The following ITPRIP variants were observed in gnomAD, a reference collection of about 807,000 sequenced individuals.
ITPRIP encodes inositol 1,4,5-trisphosphate receptor-interacting protein.
In ITPRIP, 32 loss-of-function variants were observed where a neutral mutation model predicts 35.8. That is an observed-to-expected ratio of 0.89 (90% CI 0.68 to 1.20). The LOEUF is 1.20. Among genes scored for constraint, ITPRIP ranks in the 50% most tolerant of loss-of-function variants. ITPRIP has a pLI of 0.00. For synonymous variants in ITPRIP, 358 were observed against 324.0 expected, an observed-to-expected ratio of 1.11 and a Z score of -1.13; for missense variants, 653 against 735.6, an observed-to-expected ratio of 0.89 and a Z score of 1.30.
intron 1 of ITPRIP, among the ~76,000 whole-genome samples, chr10:104,318,088 A>T (rs2013737043): frequency 6.6e-6 from 1 of 152,194 alleles, no homozygotes; most frequent in African/African-American, 2.4e-5. Flanking sequence ...AAGTGGAAGA[A>T]GTCACACTGC....
chr10:104,337,477 G>T lies in ITPRIP; in HGVS notation c.-14+769C>A, dbSNP rs564593724. On this transcript the variant is annotated intron_variant, in intron 1 of 1. Coordinates refer to ENST00000337478, the MANE Select transcript of ITPRIP (RefSeq NM_001272013.2). The stretch of plus-strand genomic sequence containing the variant: ...GTTCCGTAAAATATTTTACCTTCCT[G>T]GTCGGTGGCTTTTTTTTTCTTTTTC... 5.3e-5 allele frequency among the ~76,000 whole-genome samples: 8 copies of T among 152,212 alleles called. No homozygotes were observed. The East Asian group carries it at 1.5e-3, about 29-fold the overall frequency.
At position 104,328,228 on chromosome 10, in the gene ITPRIP, G is replaced by A; in HGVS notation, c.-14+10018C>T. On this transcript the variant is annotated intron_variant, in intron 1 of 1. Coordinates refer to ENST00000337478, the MANE Select transcript of ITPRIP (RefSeq NM_001272013.2). This position sits in a 1 kb window ranked among gnomAD's most constrained non-coding sequence, Gnocchi z 4.1. ...GCGTGAATCACAGTGACAGCAATGC[G>A]CCCTCACCACTTCCCGTTGTCCTAC... is the stretch of plus-strand genomic sequence containing the variant. The A allele has an allele frequency of 1.0e-6, 1 of 985,272 alleles. No homozygotes were observed. Among genetic ancestry groups the A allele is most frequent in the Non-Finnish European group, 1.2e-6 (1 of 829,868 alleles). 61.0% of individuals were successfully genotyped at this position (985,272 alleles called of 1,614,324 possible). A position where few individuals can be genotyped will look rare whatever the true frequency, so the allele number is the denominator to read the frequency against.
chr10:104,337,348 T>C (rs187451623), intron 1 of ITPRIP, among the ~76,000 whole-genome samples: 1 of 152,180 alleles, frequency 6.6e-6, no homozygotes, highest in Non-Finnish European at 1.5e-5. Context: ...TCTGGTACTC[T>C]ACTGTTTGTG....
At chr10:104,318,517 G>A (rs190395487) in intron 1 of ITPRIP, among the ~76,000 whole-genome samples, 338 of 152,318 alleles carry the variant, frequency 2.2e-3, no homozygotes, top group Middle Eastern at 0.017. Flanking sequence ...GTGGGGCCAC[G>A]GCCAAGCCCT....
In ITPRIP at chr10:104,311,080, G is replaced by A. The variant is rs1031685855; in HGVS notation, c.*3328C>T. 2.0e-5 allele frequency: 3 copies of A among 152,172 alleles called. No individual in the cohort carries two copies. Among genetic ancestry groups the A allele is most frequent in the African/African-American group, 7.2e-5 (3 of 41,416 alleles). The allele number at this position is 152,172 out of a possible 1,614,324, so 9.4% of individuals were successfully genotyped here. A position where few individuals can be genotyped will look rare whatever the true frequency, so the allele number is the denominator to read the frequency against. On this transcript the variant is annotated 3_prime_UTR_variant, in exon 2 of 2. Coordinates refer to ENST00000337478, the MANE Select transcript of ITPRIP (RefSeq NM_001272013.2). ...TTCCACAATGTCTCATGCACGTTAG[G>A]CTCCTGACAAATGCTTGTGGACTAT...
intron 1 of ITPRIP, among the ~76,000 whole-genome samples, chr10:104,324,874 A>G (rs1194904295): frequency 2.0e-5 from 3 of 152,166 alleles, no homozygotes; most frequent in Non-Finnish European, 4.4e-5. Flanking sequence ...CTTTGTCAAA[A>G]TCCCCCCATT....
At position 104,313,495 on chromosome 10, in the gene ITPRIP, A is replaced by G. The variant is rs185272184; in HGVS notation, c.*913T>C. On this transcript the variant is annotated 3_prime_UTR_variant, in exon 2 of 2. Transcript: ENST00000337478. ...TTCTTTTCCAGCTGTCCTTTGCCACAGTCACCCCGTGTGTCTCTTTCTCCA... is the reference window on the plus strand; with the variant it reads ...TTCTTTTCCAGCTGTCCTTTGCCACGGTCACCCCGTGTGTCTCTTTCTCCA... 3.1e-3 allele frequency: 3,054 copies of G among 985,682 alleles called. 5 individuals carry two copies. The highest frequency in any genetic ancestry group is 4.2e-3 in the Admixed American group (69 of 16,280). The allele number at this position is 985,682 out of a possible 1,614,324, so 61.1% of individuals were successfully genotyped here.
At chr10:104,335,953 G>A (rs909678613) in intron 1 of ITPRIP, among the ~76,000 whole-genome samples, 2 of 151,550 alleles carry the variant, frequency 1.3e-5, no homozygotes, top group Non-Finnish European at 2.9e-5. Flanking sequence ...AAAGCCTGGC[G>A]AATGTTAAGC....
chr10:104,312,454 TA>T lies in ITPRIP; in HGVS notation c.*1953del, dbSNP rs2013512438. On this transcript the variant is annotated 3_prime_UTR_variant, in exon 2 of 2. Transcript: ENST00000337478. ...GGGAAAGGCATGGGCCATAAATAAA[TA>T]AGGAAATTTGCCCCGATTCTACAAA... The T allele has an allele frequency of 4.8e-6, 1 of 208,826 alleles. No homozygotes were observed. The highest frequency in any genetic ancestry group is 8.4e-6 in the Non-Finnish European group (1 of 119,568). The allele number at this position is 208,826 out of a possible 1,614,324, so 12.9% of individuals were successfully genotyped here. A position where few individuals can be genotyped will look rare whatever the true frequency, so the allele number is the denominator to read the frequency against.
chr10:104,330,818 G>A (rs1394856589), intron 1 of ITPRIP, among the ~76,000 whole-genome samples: 1 of 152,192 alleles, frequency 6.6e-6, no homozygotes, highest in African/African-American at 2.4e-5. Flanking sequence ...ACAGAGGTGA[G>A]GCCACTCACC....
chr10:104,336,072 T>G (rs939004696), intron 1 of ITPRIP, among the ~76,000 whole-genome samples: 1 of 152,212 alleles, frequency 6.6e-6, no homozygotes, highest in African/African-American at 2.4e-5. Context: ...CACATGCCAC[T>G]TATCCAGCTA....
chr10:104,314,244 TTC>T lies in ITPRIP; in HGVS notation c.*162_*163del, dbSNP rs2013564010. 5 of 1,437,440 alleles carry T rather than the reference TTC, an allele frequency of 3.5e-6. No homozygotes were observed. The highest frequency in any genetic ancestry group is 4.6e-6 in the Non-Finnish European group (5 of 1,097,882). 89.0% of individuals were successfully genotyped at this position (1,437,440 alleles called of 1,614,324 possible). On this transcript the variant is annotated 3_prime_UTR_variant, in exon 2 of 2. Transcript: ENST00000337478. ...GAAGCAAACCAGCTTCCCGTTGAAA[TTC>T]TGTTTCCTCTGCACTGTAGGGCTTG...
chr10:104,312,767 G>C lies in ITPRIP; in HGVS notation c.*1641C>G. ...GAGGCTGGTTGAGAGCACTCCTGGGGATGGGGGAAGGATCTCCTTCCTTCA... is the reference window on the plus strand; with the variant it reads ...GAGGCTGGTTGAGAGCACTCCTGGGCATGGGGGAAGGATCTCCTTCCTTCA... On this transcript the variant is annotated 3_prime_UTR_variant, in exon 2 of 2. Transcript: ENST00000337478. 1 of 985,284 alleles carries C rather than the reference G, an allele frequency of 1.0e-6. No homozygotes were observed. 61.0% of individuals were successfully genotyped at this position (985,284 alleles called of 1,614,324 possible). A position where few individuals can be genotyped will look rare whatever the true frequency, so the allele number is the denominator to read the frequency against.
rs1162243743 is a variant in ITPRIP, at chr10:104,315,536, C to T, written c.516G>A (p.Leu172=). The part of the protein sequence containing the change: ...EFLEGFVDDL[L]EALRSLCNRD... ...GGTTGCAGAGGCTCCTCAGGGCTTCCAGCAAGTCATCCACGAAGCCTTCCA... is the reference window on the plus strand; with the variant it reads ...GGTTGCAGAGGCTCCTCAGGGCTTCTAGCAAGTCATCCACGAAGCCTTCCA... Residue 172 remains leucine (L), a synonymous_variant, in exon 2 of 2, where the codon CTG becomes CTA. Transcript: ENST00000337478. This position sits in a 1 kb window ranked among gnomAD's most constrained non-coding sequence, Gnocchi z 5.7. 4 of 1,614,218 alleles carry T rather than the reference C, an allele frequency of 2.5e-6. No homozygotes were observed. Among genetic ancestry groups the T allele is most frequent in the Non-Finnish European group, 3.4e-6 (4 of 1,180,034 alleles).
chr10:104,318,940 C>T (rs2013764714), intron 1 of ITPRIP, among the ~76,000 whole-genome samples: 1 of 152,264 alleles, frequency 6.6e-6, no homozygotes. Flanking sequence ...GATGACCCTG[C>T]CTGCTGGGGT....
Position 104,322,991 on chromosome 10 carries a change from TG to T in ITPRIP, c.-13-6928del, listed in dbSNP as rs112971646. Among the ~76,000 whole-genome samples the T allele has an allele frequency of 5.8e-3, 885 of 152,172 alleles. 26 individuals carry two copies. The highest frequency in any genetic ancestry group is 0.053 in the Admixed American group (814 of 15,296). ...CCCAGCTGATGAGGTACACAGTTGT[TG>T]GGGGGAAATCAAGCCAAATATTTAA... On this transcript the variant is annotated intron_variant, in intron 1 of 1. Transcript: ENST00000337478.
chr10:104,317,763 T>C (rs1487144359), intron 1 of ITPRIP, among the ~76,000 whole-genome samples: 1 of 152,228 alleles, frequency 6.6e-6, no homozygotes, highest in Non-Finnish European at 1.5e-5. Flanking sequence ...ATTTGCACAA[T>C]GAAATTCTTG....
Position 104,314,958 on chromosome 10 carries a change from A to G in ITPRIP, c.1094T>C (p.Leu365Pro). 1 of 1,613,738 alleles carries G rather than the reference A, an allele frequency of 6.2e-7. No individual in the cohort carries two copies. Among genetic ancestry groups the G allele is most frequent in the East Asian group, 2.2e-5 (1 of 44,878 alleles). The change falls in exon 2 of 2, where the codon CTT (leucine) becomes CCT (proline). Residue 365 changes from leucine to proline, a missense_variant. By Grantham distance (98) the Leu-to-Pro change is moderately conservative. Coordinates refer to ENST00000337478, the MANE Select transcript of ITPRIP (RefSeq NM_001272013.2). Reference sequence around the variant, plus strand: ...GGTGCCCTCAGAGGGCTCCCTGGGAAGGTGGGAGACAAAGTACAGGTCCGA... The same window carrying G: ...GGTGCCCTCAGAGGGCTCCCTGGGAGGGTGGGAGACAAAGTACAGGTCCGA... ...DDSDLYFVSH[L>P]PREPSEGTPA...
Position 104,313,474 on chromosome 10 carries a change from T to C in ITPRIP, c.*934A>G, listed in dbSNP as rs1296711898. On this transcript the variant is annotated 3_prime_UTR_variant, in exon 2 of 2. Transcript: ENST00000337478. Reference sequence around the variant, plus strand: ...CCAATGAAGAAGTGATAGAGTTTCTTTTCCAGCTGTCCTTTGCCACAGTCA... The same window carrying C: ...CCAATGAAGAAGTGATAGAGTTTCTCTTCCAGCTGTCCTTTGCCACAGTCA... The C allele has an allele frequency of 1.0e-6, 1 of 985,772 alleles. No homozygotes were observed. Among genetic ancestry groups the C allele is most frequent in the African/African-American group, 1.7e-5 (1 of 57,364 alleles). 61.1% of individuals were successfully genotyped at this position (985,772 alleles called of 1,614,324 possible).
Sources: allele counts gnomAD v4.1 joint callset (sites outside exome capture counted in the v4.1 genomes callset), GRCh38; gene constraint gnomAD v4.1.1; non-coding constraint Gnocchi (gnomAD v3.1); transcripts MANE v1.5; gene names NCBI Gene and HGNC (gene_info 2026-07-23, HGNC 2026-07-21).